NUCB2: variants seen among roughly 807,000 people sequenced by gnomAD.
NUCB2 encodes nucleobindin-2.
A neutral mutation model predicts 57.9 loss-of-function variants in NUCB2; 48 were observed. The ratio of observed to expected loss-of-function variants is 0.83; its 90% CI spans 0.66 to 1.05. The LOEUF is 1.05. Ranked by LOEUF, NUCB2 falls within the 50% of genes least tolerant of loss-of-function variation. The pLI, the probability that NUCB2 is intolerant of heterozygous loss-of-function variation, is 0.00. For missense variants in NUCB2, 442 were observed against 476.2 expected (o/e 0.93, Z 0.67); for synonymous variants, 139 against 152.1 (o/e 0.91, Z 0.64).
At chr11:17,293,580 G>A (rs954740726) in intron 2 of NUCB2, among the ~76,000 whole-genome samples, 1 of 152,100 alleles carries the variant, frequency 6.6e-6, no homozygotes, top group Non-Finnish European at 1.5e-5. Context: ...TGTTAACAAA[G>A]TAACTTAAAC....
chr11:17,341,589 G>A (rs369024846), intron 2 of NUCB2, among the ~76,000 whole-genome samples: 54 of 151,188 alleles, frequency 3.6e-4, no homozygotes, highest in South Asian at 1.5e-3. Flanking sequence ...GGTTTTTGTC[G>A]TTGGTTCTGT....
intron 2 of NUCB2, among the ~76,000 whole-genome samples, chr11:17,284,051 C>G (rs892855121): frequency 2.0e-5 from 3 of 151,896 alleles, no homozygotes; most frequent in Non-Finnish European, 4.4e-5. Context: ...TTTGTTGAGA[C>G]GGAGTCTCAC....
rs139457471 is a variant in NUCB2, at chr11:17,310,126, A to G, written c.483+451A>G. On this transcript the variant is annotated intron_variant, in intron 6 of 13. Transcript: ENST00000529010. ...TAAGAGTTTGTGGACCTCTCACATT[A>G]TGTGTGAATGGAACTAGTTCTAACC... Among the ~76,000 whole-genome samples, 212 of 152,250 alleles carry G rather than the reference A, an allele frequency of 1.4e-3. 2 individuals are homozygous for G. The highest frequency in any genetic ancestry group is 5.0e-3 in the African/African-American group (209 of 41,550).
At chr11:17,287,802 C>T (rs1386668674) in intron 2 of NUCB2, among the ~76,000 whole-genome samples, 1 of 152,042 alleles carries the variant, frequency 6.6e-6, no homozygotes, top group Non-Finnish European at 1.5e-5. Context: ...GAGTTTGAGA[C>T]CACCTTGGCC....
intron 11 of NUCB2, among the ~76,000 whole-genome samples, chr11:17,326,069 C>T (rs573591140): frequency 2.2e-4 from 34 of 151,412 alleles, no homozygotes; most frequent in African/African-American, 7.7e-4. Context: ...GGCAAGATCT[C>T]GGCTCACCAC....
Position 17,321,972 on chromosome 11 carries a change from C to G in NUCB2, c.1002+6497C>G, listed in dbSNP as rs148948082. Among the ~76,000 whole-genome samples, 837 of 152,098 alleles carry G rather than the reference C, an allele frequency of 5.5e-3. 4 individuals carry two copies. Among genetic ancestry groups the G allele is most frequent in the African/African-American group, 0.019 (779 of 41,518 alleles). On this transcript the variant is annotated intron_variant, in intron 11 of 13. Transcript: ENST00000529010. ...AATTCCCTATAGAGTTGTTTGAACCCCTTATATATTCTAGTTATTAATCCC... is the reference window on the plus strand; with the variant it reads ...AATTCCCTATAGAGTTGTTTGAACCGCTTATATATTCTAGTTATTAATCCC...
At position 17,297,695 on chromosome 11, in the gene NUCB2, G is replaced by A. The variant is rs748855783; in HGVS notation, c.252+1484G>A. On this transcript the variant is annotated intron_variant, in intron 4 of 13. Coordinates refer to ENST00000529010, the MANE Select transcript of NUCB2 (RefSeq NM_005013.4). ...AATAAGCTTCCTGGATTGGTGCAGGGAATACTTTTATAACTATCTTCCTTT... is the reference window on the plus strand; with the variant it reads ...AATAAGCTTCCTGGATTGGTGCAGGAAATACTTTTATAACTATCTTCCTTT... 2.6e-5 allele frequency among the ~76,000 whole-genome samples: 4 copies of A among 152,254 alleles called. No homozygotes were observed. In the East Asian group the frequency reaches 7.7e-4, roughly 29 times the overall value.
intron 5 of NUCB2, 56 bp from the exon 6 acceptor site, chr11:17,309,516 A>G: frequency 1.0e-6 from 1 of 991,190 alleles, no homozygotes; most frequent in South Asian, 1.5e-5. Context: ...GTGTATAATT[A>G]TTATGTTTCT....
At chr11:17,341,720 G>T (rs1007741594) in intron 2 of NUCB2, among the ~76,000 whole-genome samples, 29 of 152,184 alleles carry the variant, frequency 1.9e-4, no homozygotes, top group African/African-American at 7.0e-4. Context: ...CAGTTTGCCA[G>T]TATTTTATTG....
chr11:17,315,395 A>G lies in NUCB2; in HGVS notation c.922A>G (p.Asn308Asp), dbSNP rs1949084522. 6.2e-7 allele frequency: 1 copy of G among 1,603,520 alleles called. No homozygotes were observed. The highest frequency in any genetic ancestry group is 2.2e-5 in the East Asian group (1 of 44,678). ...ATTTTGTTTTAATCAGGTTGATACT[A>G]ACAAAGACAGATTGGTGACTCTGGA... The part of the protein sequence containing the change: ...REHVMNEVDT[N>D]KDRLVTLEEF... Residue 308 changes from asparagine (N) to aspartate (D), a missense_variant, in exon 11 of 14, where the codon AAC becomes GAC. Transcript: ENST00000529010.
At chr11:17,319,432 A>G (rs1226616240) in intron 11 of NUCB2, among the ~76,000 whole-genome samples, 2 of 152,028 alleles carry the variant, frequency 1.3e-5, no homozygotes, top group Admixed American at 6.6e-5. Context: ...AGAATGACCC[A>G]TTTTTCTGAG....
At chr11:17,349,512 G>A (rs1263436889) in exon 3 of NUCB2, 2 of 152,176 alleles carry the variant, frequency 1.3e-5, no homozygotes, top group Non-Finnish European at 2.9e-5. Flanking sequence ...TCAGAAAGAA[G>A]GAAGGGGAAA....
chr11:17,330,392 T>C lies in NUCB2; in HGVS notation c.1173+95T>C. The C allele has an allele frequency of 2.6e-6, 2 of 760,854 alleles. No individual in the cohort carries two copies. The highest frequency in any genetic ancestry group is 4.2e-6 in the Non-Finnish European group (2 of 476,884). The allele number at this position is 760,854 out of a possible 1,614,324, so 47.1% of individuals were successfully genotyped here. A position where few individuals can be genotyped will look rare whatever the true frequency, so the allele number is the denominator to read the frequency against. On this transcript the variant is annotated intron_variant, in intron 12 of 13. Transcript: ENST00000529010. This position sits in a 1 kb window ranked among gnomAD's most constrained non-coding sequence, Gnocchi z 4.3. Reference sequence around the variant, plus strand: ...TAACATATTTCATTGTACTATATAGTACACTGCTATAGCTATACTATAGTA... The same window carrying C: ...TAACATATTTCATTGTACTATATAGCACACTGCTATAGCTATACTATAGTA...
chr11:17,288,400 TC>T (rs1234090553), intron 2 of NUCB2, among the ~76,000 whole-genome samples: 2 of 152,060 alleles, frequency 1.3e-5, no homozygotes, highest in African/African-American at 4.8e-5. Flanking sequence ...CAATCATAGC[TC>T]CCTGCAGCCT....
chr11:17,303,067 G>A (rs1266461045), intron 5 of NUCB2, among the ~76,000 whole-genome samples: 1 of 152,042 alleles, frequency 6.6e-6, no homozygotes, highest in Non-Finnish European at 1.5e-5. Context: ...GTTTTTTAGA[G>A]ATATGGTCTT....
intron 2 of NUCB2, among the ~76,000 whole-genome samples, chr11:17,284,010 A>G (rs1253342615): frequency 1.3e-5 from 2 of 152,002 alleles, no homozygotes; most frequent in Admixed American, 1.3e-4. Flanking sequence ...AGCCACACCA[A>G]TATTTTATTT....
At chr11:17,312,668 G>T (rs1236123044) in intron 10 of NUCB2, among the ~76,000 whole-genome samples, 1 of 151,714 alleles carries the variant, frequency 6.6e-6, no homozygotes, top group Non-Finnish European at 1.5e-5. Flanking sequence ...CTCCCAAAGT[G>T]CTGGGATTAT....
At position 17,310,879 on chromosome 11, in the gene NUCB2, T is replaced by A. The variant is rs745782416; in HGVS notation, c.538T>A (p.Tyr180Asn). 6 of 1,594,356 alleles carry A rather than the reference T, an allele frequency of 3.8e-6. No individual in the cohort carries two copies. The highest frequency in any genetic ancestry group is 5.1e-6 in the Non-Finnish European group (6 of 1,175,106). ...DKTRHEEFKK[Y>N]EMMKEHERRE... ...GACTCGTCATGAAGAATTTAAAAAA[T>A]ATGAAATGATGAAGGAACATGAAAG... is the stretch of plus-strand genomic sequence containing the variant. The change falls in exon 7 of 14, where the codon TAT becomes AAT. Residue 180 changes from tyrosine to asparagine, a missense_variant. Physicochemically the swap from Tyr to Asn is moderately radical, Grantham distance 143 (BLOSUM62 -2). Transcript: ENST00000529010.
intron 2 of NUCB2, among the ~76,000 whole-genome samples, chr11:17,292,260 C>A (rs1945064999): frequency 6.6e-6 from 1 of 152,062 alleles, no homozygotes; most frequent in African/African-American, 2.4e-5. Context: ...GAATATAGAT[C>A]TAAATTTAGT....
Sources: gnomAD v4.1 joint callset for allele counts (sites outside exome capture counted in the v4.1 genomes callset) on GRCh38, gnomAD v4.1.1 for gene constraint, Gnocchi (gnomAD v3.1) non-coding constraint, MANE v1.5 for transcripts, NCBI Gene and HGNC (gene_info 2026-07-23, HGNC 2026-07-21) for gene names.